ITFG1: variants seen among roughly 807,000 people sequenced by gnomAD.
The protein encoded by ITFG1 is T-cell immunomodulatory protein.
Under a neutral mutation model 81.8 loss-of-function variants are expected in ITFG1, and 34 were observed. The ratio of observed to expected loss-of-function variants is 0.42; its 90% CI spans 0.32 to 0.55. The LOEUF (loss-of-function observed/expected upper bound fraction) is 0.55. Ranked by LOEUF, ITFG1 falls within the 20% of genes least tolerant of loss-of-function variation. The probability of loss-of-function intolerance (pLI) is 0.17; values close to 1 mark genes in which losing one functional copy is unlikely to be tolerated. For synonymous variants in ITFG1, 285 were observed against 270.6 expected, an observed-to-expected ratio of 1.05 and a Z score of -0.52; for missense variants, 672 against 755.4, an observed-to-expected ratio of 0.89 and a Z score of 1.29.
intron 14 of ITFG1, among the ~76,000 whole-genome samples, chr16:47,197,928 G>GC (rs35091846): frequency 6.6e-6 from 1 of 152,156 alleles, no homozygotes; most frequent in African/African-American, 2.4e-5. Flanking sequence ...CAGTATGTTT[G>GC]CCCCATTGAT....
intron 10 of ITFG1, among the ~76,000 whole-genome samples, chr16:47,285,246 C>T (rs2151551989): frequency 6.6e-6 from 1 of 152,210 alleles, no homozygotes; most frequent in East Asian, 1.9e-4. Flanking sequence ...AATGAAGCTT[C>T]CATAAAAACC....
intron 6 of ITFG1, among the ~76,000 whole-genome samples, chr16:47,418,548 T>G (rs2151605601): frequency 6.6e-6 from 1 of 152,310 alleles, no homozygotes; most frequent in Non-Finnish European, 1.5e-5. Context: ...TCATTTTGAG[T>G]TAATTTTTTG....
intron 12 of ITFG1, among the ~76,000 whole-genome samples, chr16:47,244,602 T>C (rs1331864417): frequency 4.2e-4 from 7 of 16,702 alleles, no homozygotes; most frequent in African/African-American, 1.5e-3. Context: ...TGTGTGTGTG[T>C]GTGTGTGTGT....
intron 14 of ITFG1, among the ~76,000 whole-genome samples, chr16:47,192,165 G>A (rs1965301005): frequency 6.6e-6 from 1 of 152,182 alleles, no homozygotes; most frequent in South Asian, 2.1e-4. Flanking sequence ...TATCCATTCA[G>A]AGTGTGTGGC....
At chr16:47,365,547 T>A in intron 8 of ITFG1, 1 of 393,636 alleles carries the variant, frequency 2.5e-6, no homozygotes, top group Non-Finnish European at 4.5e-6. Context: ...TTGTTTTGCA[T>A]ATTACTTCTG....
In ITFG1 at chr16:47,155,665, G is replaced by T; in HGVS notation, c.*54C>A. 1 of 1,159,756 alleles carries T rather than the reference G, an allele frequency of 8.6e-7. No homozygotes were observed. Among genetic ancestry groups the T allele is most frequent in the Non-Finnish European group, 1.3e-6 (1 of 797,406 alleles). The allele number at this position is 1,159,756 out of a possible 1,614,324, so 71.8% of individuals were successfully genotyped here. ...CCCCTATTTTTTCAAGCCAGAATTT[G>T]TGTTTCAACTAATCAAGTGAACAGC... On this transcript the variant is annotated 3_prime_UTR_variant, in exon 18 of 18. Coordinates refer to ENST00000320640, the MANE Select transcript of ITFG1 (RefSeq NM_030790.5).
chr16:47,367,366 C>T (rs1968190507), intron 7 of ITFG1, among the ~76,000 whole-genome samples: 1 of 152,160 alleles, frequency 6.6e-6, no homozygotes, highest in Admixed American at 6.5e-5. Flanking sequence ...CAGACTCTCC[C>T]CCATTCCTGG....
At chr16:47,409,945 A>G (rs1968789162) in intron 6 of ITFG1, among the ~76,000 whole-genome samples, 2 of 152,300 alleles carry the variant, frequency 1.3e-5, no homozygotes, top group Middle Eastern at 3.4e-3. Flanking sequence ...TTAAGACACA[A>G]AGAACTTTTA....
At chr16:47,295,184 T>G (rs1465559891) in intron 10 of ITFG1, among the ~76,000 whole-genome samples, 1 of 152,236 alleles carries the variant, frequency 6.6e-6, no homozygotes, top group Non-Finnish European at 1.5e-5. Flanking sequence ...CATCTTTGCA[T>G]CGCTGGAATA....
chr16:47,327,629 GA>G (rs1194101147), intron 8 of ITFG1, among the ~76,000 whole-genome samples: 2 of 151,910 alleles, frequency 1.3e-5, no homozygotes, highest in African/African-American at 2.4e-5. Flanking sequence ...AAATTTACAA[GA>G]AAAAAACAAA....
At chr16:47,389,445 C>T (rs1025920017) in intron 6 of ITFG1, among the ~76,000 whole-genome samples, 1 of 151,672 alleles carries the variant, frequency 6.6e-6, no homozygotes, top group African/African-American at 2.4e-5. Context: ...CTGCAATGGA[C>T]CAAGAAAATG....
chr16:47,351,887 A>T (rs750022570), intron 8 of ITFG1, among the ~76,000 whole-genome samples: 22 of 152,246 alleles, frequency 1.4e-4, no homozygotes, highest in Non-Finnish European at 2.5e-4. Flanking sequence ...AACAGAACAG[A>T]CCCCTCAGAA....
At chr16:47,376,295 C>T (rs1968323386) in intron 6 of ITFG1, among the ~76,000 whole-genome samples, 1 of 151,984 alleles carries the variant, frequency 6.6e-6, no homozygotes, top group Admixed American at 6.6e-5. Flanking sequence ...TGCTTTCTCA[C>T]CCTGAAAGCA....
At position 47,175,564 on chromosome 16, in the gene ITFG1, G is replaced by A. The variant is rs527625047; in HGVS notation, c.1454-12900C>T. ...TTTTGTCTTCAGAAGAAAAAGAAGT[G>A]CAGTATTTGTCTTACTGCTCTATGA... is the stretch of plus-strand genomic sequence containing the variant. On this transcript the variant is annotated intron_variant, in intron 14 of 17. Coordinates refer to ENST00000320640, the MANE Select transcript of ITFG1 (RefSeq NM_030790.5). 5.9e-5 allele frequency among the ~76,000 whole-genome samples: 9 copies of A among 152,192 alleles called. No individual in the cohort carries two copies. The South Asian group carries it at 1.5e-3, about 25-fold the overall frequency.
chr16:47,418,387 C>T (rs915066724), intron 6 of ITFG1, among the ~76,000 whole-genome samples: 3 of 152,038 alleles, frequency 2.0e-5, no homozygotes, highest in Non-Finnish European at 4.4e-5. Flanking sequence ...ACAACATAGT[C>T]CCATTTATCT....
chr16:47,237,692 ATAT>A (rs752956955), intron 13 of ITFG1, among the ~76,000 whole-genome samples: 1 of 152,196 alleles, frequency 6.6e-6, no homozygotes, highest in East Asian at 1.9e-4. Flanking sequence ...GTGTAATGAA[ATAT>A]TATAAATGCC....
rs747860268 is a variant in ITFG1 at position 47,365,852 on chromosome 16, G to C, written c.738C>G (p.Val246=). 1.3e-6 allele frequency: 2 copies of C among 1,590,490 alleles called. No individual in the cohort carries two copies. The highest frequency in any genetic ancestry group is 3.3e-5 in the Admixed American group (2 of 59,780). The change falls in exon 8 of 18, where the codon GTC becomes GTG. Residue 246 remains valine (V), a synonymous_variant. Transcript: ENST00000320640. ...TTTGAGGTTTTTCCAATATAGTACTGACAGAGAAGTTTCCATCCTGTTAAA... is the reference window on the plus strand; with the variant it reads ...TTTGAGGTTTTTCCAATATAGTACTCACAGAGAAGTTTCCATCCTGTTAAA... ...IWENLDGNFS[V]STILEKPQNM... is the part of the protein sequence containing the mutation.
chr16:47,337,775 A>G (rs1006563694), intron 8 of ITFG1, among the ~76,000 whole-genome samples: 5 of 152,248 alleles, frequency 3.3e-5, no homozygotes, highest in African/African-American at 1.2e-4. Flanking sequence ...GGTGGCGTTC[A>G]GAAAACCACA....
intron 6 of ITFG1, among the ~76,000 whole-genome samples, chr16:47,407,061 T>C (rs1176992352): frequency 6.6e-6 from 1 of 152,134 alleles, no homozygotes; most frequent in African/African-American, 2.4e-5. Flanking sequence ...TGTGGCCTAG[T>C]AGGCTGTTTT....
Sources: gnomAD v4.1 joint callset for allele counts (sites outside exome capture counted in the v4.1 genomes callset) on GRCh38, gnomAD v4.1.1 for gene constraint, MANE v1.5 for transcripts, NCBI Gene and HGNC (gene_info 2026-07-23, HGNC 2026-07-21) for gene names.